WBP11: variants seen among roughly 807,000 people sequenced by gnomAD.
The protein encoded by WBP11 is WW domain-binding protein 11.
WBP11 carries 12 observed loss-of-function variants against 66.7 expected under a neutral mutation model. That is an observed-to-expected ratio of 0.18 (90% CI 0.12 to 0.29). The LOEUF is 0.29. Ranked by LOEUF, WBP11 falls within the 10% of genes least tolerant of loss-of-function variation. The probability of loss-of-function intolerance (pLI) is 1.00; values close to 1 mark genes in which losing one functional copy is unlikely to be tolerated. For synonymous variants in WBP11, 255 were observed against 273.8 expected, an observed-to-expected ratio of 0.93 and a Z score of 0.68; for missense variants, 555 against 818.3, an observed-to-expected ratio of 0.68 and a Z score of 3.93.
Position 14,799,726 on chromosome 12 carries a change from G to A in WBP11, c.99C>T (p.Asn33=). ...CTCGAACCATCATGCGCTGTTTTTT[G>A]TTCTTAGAAAAATAAAAGGGCAGAT... The part of the protein sequence containing the change: ...KEARKRELKK[N]KKQRMMVRAA... Residue 33 remains asparagine (N), a splice_region_variant and synonymous_variant, in exon 4 of 12, where the codon AAC becomes AAT. Coordinates refer to ENST00000261167, the MANE Select transcript of WBP11 (RefSeq NM_016312.3). The A allele has an allele frequency of 6.2e-7, 1 of 1,611,760 alleles. No homozygotes were observed.
Position 14,796,700 on chromosome 12 carries a change from C to A in WBP11, c.387+107G>T. The A allele has an allele frequency of 3.7e-6, 4 of 1,068,652 alleles. No homozygotes were observed. Among genetic ancestry groups the A allele is most frequent in the East Asian group, 2.9e-5 (1 of 34,236 alleles). The allele number at this position is 1,068,652 out of a possible 1,614,324, so 66.2% of individuals were successfully genotyped here. On this transcript the variant is annotated intron_variant, in intron 5 of 11. Coordinates refer to ENST00000261167, the MANE Select transcript of WBP11 (RefSeq NM_016312.3). The surrounding 1 kb of genome is among the most constrained non-coding windows in gnomAD (Gnocchi z 4.5). ...AAACAAAACAAAATATAAAAAAAAC[C>A]CAACAACCCTAAATCCAAAACACTT...
At chr12:14,801,051 G>A (rs569745326) in intron 2 of WBP11, 37 of 453,142 alleles carry the variant, frequency 8.2e-5, no homozygotes, top group Middle Eastern at 5.8e-4. Context: ...ACAAGGGCTC[G>A]CAAAACTAAT....
intron 10 of WBP11, 49 bp downstream of exon 10, chr12:14,790,399 TGGAATGAC>T: frequency 1.9e-6 from 3 of 1,562,540 alleles, no homozygotes; most frequent in Admixed American, 1.9e-5. Flanking sequence ...TAGTATTTTT[TGGAATGAC>T]TTCATTCTAA....
intron 4 of WBP11, 56 bp downstream of exon 4, chr12:14,799,579 C>T (rs1949935011): frequency 1.3e-6 from 2 of 1,535,984 alleles, no homozygotes; most frequent in African/African-American, 1.4e-5. Context: ...TCACTCGTTA[C>T]CTGCCTGCCT....
chr12:14,789,931 T>C (rs1483053276), intron 10 of WBP11, among the ~76,000 whole-genome samples: 1 of 152,192 alleles, frequency 6.6e-6, no homozygotes, highest in Non-Finnish European at 1.5e-5. Flanking sequence ...CACAAATAGC[T>C]GAAAAGTTCT....
chr12:14,789,499 G>A (rs991204537), intron 10 of WBP11, among the ~76,000 whole-genome samples: 1 of 152,042 alleles, frequency 6.6e-6, no homozygotes, highest in Non-Finnish European at 1.5e-5. Context: ...GCAGGAGAAT[G>A]GTGTGAACCC....
At position 14,786,620 on chromosome 12, in the gene WBP11, A is replaced by C. The variant is rs1015980694; in HGVS notation, c.*445T>G. On this transcript the variant is annotated 3_prime_UTR_variant, in exon 12 of 12. Coordinates refer to ENST00000261167, the MANE Select transcript of WBP11 (RefSeq NM_016312.3). ...AAATGACATTGTGATCCATTTCATT[A>C]CAAGTAAAATATTACAAAATATTTA... The C allele has an allele frequency of 6.5e-6, 1 of 154,104 alleles. No homozygotes were observed. The highest frequency in any genetic ancestry group is 1.4e-5 in the Non-Finnish European group (1 of 69,266). The allele number at this position is 154,104 out of a possible 1,614,324, so 9.5% of individuals were successfully genotyped here. A position where few individuals can be genotyped will look rare whatever the true frequency, so the allele number is the denominator to read the frequency against.
intron 3 of WBP11, among the ~76,000 whole-genome samples, chr12:14,799,950 A>T (rs1382285455): frequency 6.6e-6 from 1 of 152,172 alleles, no homozygotes; most frequent in Non-Finnish European, 1.5e-5. Flanking sequence ...TATTTCTTTG[A>T]ACTCTGAGAT....
intron 3 of WBP11, among the ~76,000 whole-genome samples, chr12:14,800,114 T>A (rs191269625): frequency 1.3e-5 from 2 of 152,272 alleles, no homozygotes; most frequent in Non-Finnish European, 2.9e-5. Flanking sequence ...TCTAAAATTA[T>A]ATAAAGAATA....
Position 14,793,919 on chromosome 12 carries a change from T to G in WBP11, c.725A>C (p.Gln242Pro), listed in dbSNP as rs1949855425. 6.2e-7 allele frequency: 1 copy of G among 1,606,548 alleles called. No homozygotes were observed. Residue 242 changes from glutamine (Q) to proline (P), a missense_variant, in exon 8 of 12, where the codon CAG (glutamine) becomes CCG (proline). Gln to Pro is a moderately conservative substitution (Grantham distance 76). Transcript: ENST00000261167. ...EDMLYSPELA[Q>P]RGHDDDVSST... is the part of the protein sequence containing the mutation. ...AGAAACATCATCATCATGACCTCGC[T>G]GGGCTGAAAAGTGGGAAGGGAACAT...
rs79101395 is a variant in WBP11 at position 14,788,340 on chromosome 12, C to G, written c.1492+611G>C. ...ATGTCCTATGGACAGTTCAGACATA[C>G]ACAATATTCATATACCAAGAACTGC... On this transcript the variant is annotated intron_variant, in intron 11 of 11. Transcript: ENST00000261167. 3.9e-5 allele frequency among the ~76,000 whole-genome samples: 6 copies of G among 152,318 alleles called. No individual in the cohort carries two copies. In the South Asian group the frequency reaches 1.0e-3, roughly 26 times the overall value.
At chr12:14,794,464 G>T in intron 7 of WBP11, 73 bp downstream of exon 7, 1 of 1,520,312 alleles carries the variant, frequency 6.6e-7, no homozygotes, top group Non-Finnish European at 9.1e-7. Flanking sequence ...TTCTGAGGGT[G>T]GTGAACAATA....
chr12:14,794,736 T>C lies in WBP11; in HGVS notation c.522A>G (p.Gly174=), dbSNP rs1457875012. The C allele has an allele frequency of 6.6e-6, 10 of 1,524,854 alleles. No homozygotes were observed. The highest frequency in any genetic ancestry group is 7.9e-6 in the Non-Finnish European group (9 of 1,145,094). 94.5% of individuals were successfully genotyped at this position (1,524,854 alleles called of 1,614,324 possible). The change falls in exon 7 of 12, where the codon GGA becomes GGG. Residue 174 remains glycine, a splice_region_variant and synonymous_variant. Coordinates refer to ENST00000261167, the MANE Select transcript of WBP11 (RefSeq NM_016312.3). ...PSILKKTSAY[G]PPTRAVSILP... Reference sequence around the variant, plus strand: ...GGATAGAAACTGCCCGAGTTGGAGGTCTGTTAAAAAAAAAAACAAAAACAA... The same window carrying C: ...GGATAGAAACTGCCCGAGTTGGAGGCCTGTTAAAAAAAAAAACAAAAACAA...
In WBP11 at chr12:14,799,622, T is replaced by C. The variant is rs890861234; in HGVS notation, c.190+13A>G. 4 of 1,611,504 alleles carry C rather than the reference T, an allele frequency of 2.5e-6. No homozygotes were observed. In the African/African-American group the frequency reaches 4.0e-5, roughly 16 times the overall value. ...TGTCAGACTGTTATAGCTGCCTGTTTGTAAATTCTTACCCATTTCATCCAA... is the reference window on the plus strand; with the variant it reads ...TGTCAGACTGTTATAGCTGCCTGTTCGTAAATTCTTACCCATTTCATCCAA... On this transcript the variant is annotated intron_variant, in intron 4 of 11. Coordinates refer to ENST00000261167, the MANE Select transcript of WBP11 (RefSeq NM_016312.3).
intron 9 of WBP11, 137 bp downstream of exon 9, chr12:14,791,032 T>C (rs1949815936): frequency 1.1e-6 from 1 of 903,434 alleles, no homozygotes; most frequent in Admixed American, 2.7e-5. Flanking sequence ...TATATAATGG[T>C]TCCAAACCTT....
At chr12:14,791,059 G>A (rs1949816142) in intron 9 of WBP11, 110 bp downstream of exon 9, 1 of 1,079,658 alleles carries the variant, frequency 9.3e-7, no homozygotes, top group Non-Finnish European at 1.3e-6. Flanking sequence ...GTAAAACAAG[G>A]ACTTATTACT....
chr12:14,795,234 A>G, intron 5 of WBP11, 130 bp from the exon 6 acceptor site: 2 of 1,027,174 alleles, frequency 1.9e-6, no homozygotes, highest in Non-Finnish European at 2.7e-6. Context: ...AAAAACCCCC[A>G]GAAAAATAAC....
intron 4 of WBP11, among the ~76,000 whole-genome samples, chr12:14,798,932 T>C (rs1259306197): frequency 6.6e-6 from 1 of 152,188 alleles, no homozygotes; most frequent in Non-Finnish European, 1.5e-5. Flanking sequence ...ATATTCTACA[T>C]GTTCTAATAT....
At chr12:14,801,177 T>C in intron 2 of WBP11, 143 bp downstream of exon 2, 1 of 696,148 alleles carries the variant, frequency 1.4e-6, no homozygotes, top group Non-Finnish European at 2.4e-6. Flanking sequence ...AAAGTCTTAA[T>C]GTGCCCATAC....
Sources: gnomAD v4.1 joint callset for allele counts (sites outside exome capture counted in the v4.1 genomes callset) on GRCh38, gnomAD v4.1.1 for gene constraint, Gnocchi (gnomAD v3.1) non-coding constraint, MANE v1.5 for transcripts, NCBI Gene and HGNC (gene_info 2026-07-23, HGNC 2026-07-21) for gene names.